The following CLASP2 variants were observed in gnomAD, a reference collection of about 807,000 sequenced individuals.
The protein encoded by CLASP2 is cytoplasmic linker associated protein 2.
In CLASP2, 47 loss-of-function variants were observed where a neutral mutation model predicts 194.4. The observed-to-expected ratio is 0.24, with a 90% CI of 0.19 to 0.31. CLASP2 has a LOEUF of 0.31. Ranked by LOEUF, CLASP2 falls within the 10% of genes least tolerant of loss-of-function variation. The pLI is 1.00. For missense variants in CLASP2, 1,445 were observed against 1,823.6 expected, an observed-to-expected ratio of 0.79 and a Z score of 3.78; for synonymous variants, 619 against 633.5, an observed-to-expected ratio of 0.98 and a Z score of 0.34.
chr3:33,689,272 T>C (rs997931123), intron 3 of CLASP2, among the ~76,000 whole-genome samples: 3 of 151,336 alleles, frequency 2.0e-5, no homozygotes, highest in African/African-American at 4.9e-5. Context: ...TGTTCAAAGA[T>C]AGAAGTACAA....
At chr3:33,705,622 CAAAT>C (rs978812106) in intron 1 of CLASP2, among the ~76,000 whole-genome samples, 11 of 152,054 alleles carry the variant, frequency 7.2e-5, no homozygotes, top group African/African-American at 2.7e-4. Context: ...AGCAGTATCT[CAAAT>C]AAGCAGGAAA....
chr3:33,561,049 A>C (rs1036612288), intron 27 of CLASP2, 78 bp from the exon 28 acceptor site: 3 of 1,262,606 alleles, frequency 2.4e-6, no homozygotes, highest in Non-Finnish European at 3.3e-6. Context: ...AAGCGAATAC[A>C]GAAAGGAACA....
intron 1 of CLASP2, among the ~76,000 whole-genome samples, chr3:33,708,559 T>TAC (rs1247168662): frequency 2.8e-5 from 4 of 144,652 alleles, no homozygotes; most frequent in East Asian, 2.0e-4. Flanking sequence ...TATATATATA[T>TAC]ATACATACAC....
chr3:33,687,979 C>A (rs2090901071), intron 4 of CLASP2, among the ~76,000 whole-genome samples: 1 of 152,090 alleles, frequency 6.6e-6, no homozygotes, highest in Non-Finnish European at 1.5e-5. Context: ...AAATTCAATC[C>A]AGAACAGAAG....
At chr3:33,596,013 T>C (rs896661209) in intron 19 of CLASP2, among the ~76,000 whole-genome samples, 20 of 151,982 alleles carry the variant, frequency 1.3e-4, no homozygotes, top group African/African-American at 4.8e-4. Context: ...TAATGTGACA[T>C]ACAGATTTAG....
intron 29 of CLASP2, 29 bp downstream of exon 29, chr3:33,559,278 A>C (rs1277189667): frequency 1.6e-6 from 2 of 1,271,118 alleles, no homozygotes; most frequent in South Asian, 2.6e-5. Context: ...AATTCTTTAT[A>C]ATGTCTTCAA....
intron 36 of CLASP2, among the ~76,000 whole-genome samples, chr3:33,515,071 A>G (rs563119460): frequency 2.6e-5 from 4 of 152,188 alleles, no homozygotes; most frequent in African/African-American, 7.2e-5. Flanking sequence ...GACTTGGGGG[A>G]AAGAGTGGGT....
At chr3:33,604,085 CAA>C (rs1340010005) in intron 17 of CLASP2, 67 bp downstream of exon 17, 2 of 1,183,672 alleles carry the variant, frequency 1.7e-6, no homozygotes, top group East Asian at 2.6e-5. Context: ...TGGAGCACAT[CAA>C]AAGAGTTTGA....
chr3:33,552,643 T>G (rs1441678685), intron 29 of CLASP2, among the ~76,000 whole-genome samples: 1 of 152,220 alleles, frequency 6.6e-6, no homozygotes, highest in African/African-American at 2.4e-5. Context: ...ATATACATAG[T>G]GAAACGTTTC....
At chr3:33,672,938 T>C (rs896753367) in intron 6 of CLASP2, among the ~76,000 whole-genome samples, 1 of 152,140 alleles carries the variant, frequency 6.6e-6, no homozygotes, top group Non-Finnish European at 1.5e-5. Context: ...AATATGGGAC[T>C]ATGTGAAAAG....
At chr3:33,615,719 A>G (rs2076036992) in intron 12 of CLASP2, among the ~76,000 whole-genome samples, 1 of 152,116 alleles carries the variant, frequency 6.6e-6, no homozygotes, top group Non-Finnish European at 1.5e-5. Context: ...GAACACAAAT[A>G]AAATTTCAAG....
intron 6 of CLASP2, among the ~76,000 whole-genome samples, chr3:33,666,876 T>C (rs888039117): frequency 6.6e-6 from 1 of 152,210 alleles, no homozygotes; most frequent in Admixed American, 6.5e-5. Context: ...TTTGTTATTG[T>C]CTATCATTTT....
At position 33,675,834 on chromosome 3, in the gene CLASP2, T is replaced by C. The variant is rs557735638; in HGVS notation, c.644+8525A>G. On this transcript the variant is annotated intron_variant, in intron 6 of 38. Coordinates refer to ENST00000682230, the MANE Select transcript of CLASP2 (RefSeq NM_001365631.1). The stretch of plus-strand genomic sequence containing the variant: ...ATCATGAGTGAACTCCCATTCACAA[T>C]TGCTTCCAAGAGAATAAAATACCTA... 5.6e-5 allele frequency among the ~76,000 whole-genome samples: 8 copies of C among 143,630 alleles called. 2 individuals carry two copies. Among genetic ancestry groups the C allele is most frequent in the Admixed American group, 7.6e-5 (1 of 13,146 alleles). The allele number at this position is 143,630 out of a possible 152,430, so 94.2% of individuals were successfully genotyped here. A position where few individuals can be genotyped will look rare whatever the true frequency, so the allele number is the denominator to read the frequency against.
chr3:33,496,451 A>T lies in CLASP2; in HGVS notation c.*2180T>A, dbSNP rs2045790476. The T allele has an allele frequency of 6.6e-6, 1 of 152,198 alleles. No individual in the cohort carries two copies. Among genetic ancestry groups the T allele is most frequent in the Non-Finnish European group, 1.5e-5 (1 of 68,020 alleles). 9.4% of individuals were successfully genotyped at this position (152,198 alleles called of 1,614,324 possible). ...ATTGTATATAGTGATTTAAATAATC[A>T]GCTTTCTTATAGTCTTATCAACTGA... On this transcript the variant is annotated 3_prime_UTR_variant, in exon 39 of 39. Transcript: ENST00000682230.
chr3:33,498,548 G>A lies in CLASP2; in HGVS notation c.*83C>T, dbSNP rs2046085586. The A allele has an allele frequency of 3.6e-6, 3 of 839,158 alleles. No homozygotes were observed. 52.0% of individuals were successfully genotyped at this position (839,158 alleles called of 1,614,324 possible). A position where few individuals can be genotyped will look rare whatever the true frequency, so the allele number is the denominator to read the frequency against. ...GAAACAATAGTAAGTTCCAAAGGAT[G>A]TGTTTGAGAACTTCCTTTCATTGAT... On this transcript the variant is annotated 3_prime_UTR_variant, in exon 39 of 39. Coordinates refer to ENST00000682230, the MANE Select transcript of CLASP2 (RefSeq NM_001365631.1).
At position 33,516,968 on chromosome 3, in the gene CLASP2, T is replaced by C. The variant is rs761099869; in HGVS notation, c.3981+13A>G. On this transcript the variant is annotated intron_variant, in intron 35 of 38. Coordinates refer to ENST00000682230, the MANE Select transcript of CLASP2 (RefSeq NM_001365631.1). ...GGAAGGAAAGGCTACTGTTTACATA[T>C]TTTGCCATTTACCTCTTTATCTCCA... 1.9e-6 allele frequency: 3 copies of C among 1,607,264 alleles called. No individual in the cohort carries two copies. Among genetic ancestry groups the C allele is most frequent in the South Asian group, 1.1e-5 (1 of 90,424 alleles).
intron 29 of CLASP2, among the ~76,000 whole-genome samples, chr3:33,555,902 T>C (rs777728116): frequency 6.6e-6 from 1 of 152,226 alleles, no homozygotes; most frequent in Non-Finnish European, 1.5e-5. Flanking sequence ...ACTATACTAA[T>C]AGGCAACATA....
At chr3:33,507,872 T>A (rs2048698504) in intron 37 of CLASP2, among the ~76,000 whole-genome samples, 1 of 152,172 alleles carries the variant, frequency 6.6e-6, no homozygotes, top group African/African-American at 2.4e-5. Context: ...CTCCATTATA[T>A]ACCCTGCCGC....
At chr3:33,703,019 A>G (rs1213084961) in intron 1 of CLASP2, among the ~76,000 whole-genome samples, 1 of 152,222 alleles carries the variant, frequency 6.6e-6, no homozygotes, top group Non-Finnish European at 1.5e-5. Context: ...AAAATAACAT[A>G]AGAAAAAATC....
Sources: allele counts gnomAD v4.1 joint callset (sites outside exome capture counted in the v4.1 genomes callset), GRCh38; gene constraint gnomAD v4.1.1; transcripts MANE v1.5; gene names NCBI Gene and HGNC (gene_info 2026-07-23, HGNC 2026-07-21).